TMEM131: variants seen among roughly 807,000 people sequenced by gnomAD.
TMEM131 encodes the protein 2610524E03Rik.
Under a neutral mutation model 211.6 loss-of-function variants are expected in TMEM131, and 66 were observed. That is an observed-to-expected ratio of 0.31 (90% confidence interval 0.26 to 0.38). The LOEUF (loss-of-function observed/expected upper bound fraction) is 0.38. Among genes scored for constraint, TMEM131 ranks in the 10% least tolerant of loss-of-function variants. TMEM131 has a pLI of 1.00. For missense variants in TMEM131, 2,036 were observed against 2,299.3 expected, an observed-to-expected ratio of 0.89 and a Z score of 2.34; for synonymous variants, 844 against 841.3, an observed-to-expected ratio of 1.00 and a Z score of -0.06.
chr2:97,820,809 T>C (rs920500072), intron 11 of TMEM131, among the ~76,000 whole-genome samples: 3 of 151,634 alleles, frequency 2.0e-5, no homozygotes, highest in African/African-American at 7.3e-5. Flanking sequence ...TGAGCCAAGA[T>C]TGGGACACTG....
At chr2:97,762,767 G>C (rs1185027279) in intron 35 of TMEM131, 1 of 152,592 alleles carries the variant, frequency 6.6e-6, no homozygotes, top group African/African-American at 2.4e-5. Context: ...AGCACTTTGG[G>C]AGGCTGAGGT....
At chr2:97,849,814 G>T (rs1163104491) in intron 5 of TMEM131, among the ~76,000 whole-genome samples, 1 of 146,220 alleles carries the variant, frequency 6.8e-6, no homozygotes, top group African/African-American at 2.5e-5. Context: ...TTTCATAAGG[G>T]TCTCAGTGTT....
intron 12 of TMEM131, among the ~76,000 whole-genome samples, chr2:97,818,393 AT>A (rs1426694311): frequency 7.5e-6 from 1 of 133,212 alleles, no homozygotes; most frequent in Non-Finnish European, 1.5e-5. Flanking sequence ...GCTAATACTG[AT>A]TTAGCTTTAT....
At chr2:97,974,255 G>A (rs1393938768) in intron 1 of TMEM131, among the ~76,000 whole-genome samples, 1 of 152,058 alleles carries the variant, frequency 6.6e-6, no homozygotes, top group African/African-American at 2.4e-5. Flanking sequence ...GAAAAAATTA[G>A]GGAACTTGAA....
At chr2:97,765,280 C>G (rs566949413) in intron 35 of TMEM131, 5 of 152,238 alleles carry the variant, frequency 3.3e-5, no homozygotes, top group Non-Finnish European at 7.3e-5. Context: ...CCGGCGAGAG[C>G]GTGGACGCCC....
intron 4 of TMEM131, among the ~76,000 whole-genome samples, chr2:97,863,973 C>A (rs1211545105): frequency 6.6e-6 from 1 of 152,152 alleles, no homozygotes; most frequent in Non-Finnish European, 1.5e-5. Flanking sequence ...TGGAAGCCAC[C>A]TAAGTGTTTA....
chr2:97,967,128 C>T (rs1679096101), intron 1 of TMEM131, among the ~76,000 whole-genome samples: 1 of 152,154 alleles, frequency 6.6e-6, no homozygotes, highest in African/African-American at 2.4e-5. Context: ...AAGGGAGTTA[C>T]TCAGATCCAG....
intron 5 of TMEM131, among the ~76,000 whole-genome samples, chr2:97,856,729 A>G (rs1337834581): frequency 6.6e-6 from 1 of 152,144 alleles, no homozygotes; most frequent in African/African-American, 2.4e-5. Flanking sequence ...TGAAGTGGAG[A>G]GGAAATAGGT....
intron 18 of TMEM131, among the ~76,000 whole-genome samples, chr2:97,810,195 C>T (rs763895809): frequency 1.3e-5 from 2 of 151,632 alleles, no homozygotes; most frequent in African/African-American, 2.4e-5. Context: ...TTTTTTGATA[C>T]AGAAATAGAC....
chr2:97,860,309 C>G (rs1334648579), intron 4 of TMEM131, among the ~76,000 whole-genome samples: 1 of 152,180 alleles, frequency 6.6e-6, no homozygotes, highest in African/African-American at 2.4e-5. Flanking sequence ...GCAAGTCCCC[C>G]ACGGCTCTGC....
At chr2:97,847,146 G>A (rs942897529) in intron 5 of TMEM131, among the ~76,000 whole-genome samples, 5 of 139,788 alleles carry the variant, frequency 3.6e-5, no homozygotes, top group East Asian at 2.2e-4. Flanking sequence ...CAGAGATTGC[G>A]CCACTGCACT....
chr2:97,934,857 C>CA, intron 1 of TMEM131, among the ~76,000 whole-genome samples: 1 of 152,074 alleles, frequency 6.6e-6, no homozygotes, highest in Non-Finnish European at 1.5e-5. Context: ...ACAACTTATA[C>CA]AAAAATTAAC....
At chr2:97,960,519 T>G (rs907976502) in intron 1 of TMEM131, among the ~76,000 whole-genome samples, 4 of 152,170 alleles carry the variant, frequency 2.6e-5, no homozygotes, top group Non-Finnish European at 5.9e-5. Flanking sequence ...ACATGTTTGC[T>G]TTACGACACA....
chr2:97,987,474 G>C (rs772239845), intron 1 of TMEM131, among the ~76,000 whole-genome samples: 10 of 152,136 alleles, frequency 6.6e-5, no homozygotes, highest in Non-Finnish European at 1.5e-4. Flanking sequence ...CTGTACTCCA[G>C]CCTGGCAACA....
chr2:97,815,357 G>T, intron 12 of TMEM131, 50 bp from the exon 13 acceptor site: 2 of 1,129,694 alleles, frequency 1.8e-6, no homozygotes, highest in Non-Finnish European at 2.5e-6. Context: ...CTACCAAAGA[G>T]AATTAGTGAA....
intron 1 of TMEM131, among the ~76,000 whole-genome samples, chr2:97,989,441 C>T (rs1680166852): frequency 6.6e-6 from 1 of 152,062 alleles, no homozygotes; most frequent in Admixed American, 6.6e-5. Flanking sequence ...ATGGTGGTTA[C>T]CAGGAGCCTG....
At chr2:97,816,526 CA>C (rs1468699059) in intron 12 of TMEM131, among the ~76,000 whole-genome samples, 1 of 152,092 alleles carries the variant, frequency 6.6e-6, no homozygotes, top group Non-Finnish European at 1.5e-5. Context: ...GTGAGTTCCG[CA>C]AATGTGTGTC....
Position 97,975,446 on chromosome 2 carries a change from A to AT in TMEM131, c.187+20029dup, listed in dbSNP as rs772001543. The stretch of plus-strand genomic sequence containing the variant: ...TTTCAGGAATAAGAGAAGTGTCATC[A>AT]TTACAGTTGCTACAAATATTCAAAA... On this transcript the variant is annotated intron_variant, in intron 1 of 40. Coordinates refer to ENST00000186436, the MANE Select transcript of TMEM131 (RefSeq NM_015348.2). Among the ~76,000 whole-genome samples the AT allele has an allele frequency of 1.1e-4, 16 of 152,188 alleles. No homozygotes were observed. The East Asian group carries it at 2.9e-3, about 27-fold the overall frequency.
intron 31 of TMEM131, among the ~76,000 whole-genome samples, chr2:97,785,560 G>C (rs1354423056): frequency 6.6e-6 from 1 of 152,198 alleles, no homozygotes; most frequent in African/African-American, 2.4e-5. Context: ...CTCCTACGTT[G>C]CTGGTGGGAA....
Sources: allele counts gnomAD v4.1 joint callset (sites outside exome capture counted in the v4.1 genomes callset), GRCh38; gene constraint gnomAD v4.1.1; transcripts MANE v1.5; gene names NCBI Gene and HGNC (gene_info 2026-07-23, HGNC 2026-07-21).